The following SORCS3 variants were observed in gnomAD, a reference collection of about 807,000 sequenced individuals.
SORCS3 encodes the protein sortilin related VPS10 domain containing receptor 3.
A neutral mutation model predicts 146.3 loss-of-function variants in SORCS3; 57 were observed. The ratio of observed to expected loss-of-function variants is 0.39; its 90% CI spans 0.31 to 0.49. The LOEUF is 0.49. Ranked by LOEUF, SORCS3 falls within the 20% of genes least tolerant of loss-of-function variation. SORCS3 has a pLI of 0.92. For missense variants in SORCS3, 1,341 were observed against 1,575.5 expected, an observed-to-expected ratio of 0.85 and a Z score of 2.52; for synonymous variants, 653 against 618.5, an observed-to-expected ratio of 1.06 and a Z score of -0.83.
At chr10:105,072,183 G>A (rs1232435527) in intron 5 of SORCS3, among the ~76,000 whole-genome samples, 1 of 152,146 alleles carries the variant, frequency 6.6e-6, no homozygotes, top group African/African-American at 2.4e-5. Context: ...TGAGCTCTCG[G>A]ACTTTATATA....
intron 14 of SORCS3, among the ~76,000 whole-genome samples, chr10:105,182,365 T>C (rs2056448559): frequency 6.6e-6 from 1 of 151,020 alleles, no homozygotes; most frequent in Non-Finnish European, 1.5e-5. Context: ...ACACTGAGGC[T>C]CAGCTCACAT....
chr10:105,153,313 A>C (rs1346946057), intron 9 of SORCS3, among the ~76,000 whole-genome samples: 2 of 152,186 alleles, frequency 1.3e-5, no homozygotes, highest in Non-Finnish European at 2.9e-5. Context: ...TCTGAGCAGC[A>C]TTCTGTTGTG....
intron 1 of SORCS3, among the ~76,000 whole-genome samples, chr10:104,656,177 G>A (rs1032769106): frequency 2.0e-5 from 3 of 152,242 alleles, no homozygotes; most frequent in Non-Finnish European, 4.4e-5. Flanking sequence ...GGGTGGATTA[G>A]GTGCAGAGGT....
intron 1 of SORCS3, among the ~76,000 whole-genome samples, chr10:104,787,628 G>A (rs2017453627): frequency 6.6e-6 from 1 of 152,076 alleles, no homozygotes; most frequent in South Asian, 2.1e-4. Context: ...TTTTTTTCCA[G>A]AAAGAATTTT....
At chr10:105,117,455 C>T (rs775091785) in intron 7 of SORCS3, among the ~76,000 whole-genome samples, 1 of 152,080 alleles carries the variant, frequency 6.6e-6, no homozygotes, top group Admixed American at 6.6e-5. Flanking sequence ...AAATGAGATT[C>T]CTCAATCTAA....
At chr10:105,053,764 T>C (rs1278756422) in intron 5 of SORCS3, among the ~76,000 whole-genome samples, 1 of 152,068 alleles carries the variant, frequency 6.6e-6, no homozygotes, top group Non-Finnish European at 1.5e-5. Flanking sequence ...ATATAATAAA[T>C]GTAATCATTC....
chr10:104,811,114 A>T (rs1453509057), intron 1 of SORCS3, among the ~76,000 whole-genome samples: 2 of 152,252 alleles, frequency 1.3e-5, no homozygotes, highest in African/African-American at 4.8e-5. Flanking sequence ...ACAACATATT[A>T]AAAGTACCAT....
intron 4 of SORCS3, among the ~76,000 whole-genome samples, chr10:105,004,121 G>T (rs1373609563): frequency 1.3e-5 from 2 of 151,808 alleles, no homozygotes; most frequent in Non-Finnish European, 2.9e-5. Context: ...ACTGTGGGTG[G>T]CTATAAAATC....
chr10:104,791,227 G>A (rs1478187380), intron 1 of SORCS3, among the ~76,000 whole-genome samples: 3 of 152,204 alleles, frequency 2.0e-5, no homozygotes, highest in Admixed American at 2.0e-4. Flanking sequence ...GGAATGGGAG[G>A]CTAGATCTTG....
At chr10:104,931,269 T>G (rs1354854719) in intron 3 of SORCS3, among the ~76,000 whole-genome samples, 1 of 152,186 alleles carries the variant, frequency 6.6e-6, no homozygotes, top group Admixed American at 6.5e-5. Flanking sequence ...ATCTTCCTGT[T>G]AGATTACACA....
At chr10:105,158,333 T>G (rs558628051) in intron 10 of SORCS3, among the ~76,000 whole-genome samples, 17 of 152,316 alleles carry the variant, frequency 1.1e-4, no homozygotes, top group Middle Eastern at 3.4e-3. Context: ...AATGAATAAA[T>G]AGAGAACACA....
At chr10:104,824,283 TGAAG>T (rs1475254517) in intron 1 of SORCS3, among the ~76,000 whole-genome samples, 1 of 152,246 alleles carries the variant, frequency 6.6e-6, no homozygotes, top group Middle Eastern at 3.2e-3. Flanking sequence ...TCTATGTATG[TGAAG>T]CTCTAGCCTC....
At chr10:104,886,592 ATCT>A (rs2018690795) in intron 2 of SORCS3, among the ~76,000 whole-genome samples, 1 of 151,830 alleles carries the variant, frequency 6.6e-6, no homozygotes, top group Admixed American at 6.6e-5. Context: ...CTATCTATCT[ATCT>A]ATCTATCTAT....
chr10:105,131,827 C>T (rs1219437365), intron 7 of SORCS3, among the ~76,000 whole-genome samples: 6 of 151,988 alleles, frequency 3.9e-5, no homozygotes, highest in African/African-American at 1.2e-4. Context: ...CCAGATATCA[C>T]GAGAACTCAC....
intron 1 of SORCS3, among the ~76,000 whole-genome samples, chr10:104,650,416 G>A (rs1280404782): frequency 6.6e-6 from 1 of 152,176 alleles, no homozygotes; most frequent in East Asian, 1.9e-4. Context: ...ATCCATAGAT[G>A]AATAATCATT....
chr10:104,957,835 G>T (rs189664855), intron 3 of SORCS3, among the ~76,000 whole-genome samples: 79 of 152,218 alleles, frequency 5.2e-4, no homozygotes, highest in African/African-American at 1.8e-3. Flanking sequence ...TGGCAAAATT[G>T]CTACCTTGGT....
intron 1 of SORCS3, among the ~76,000 whole-genome samples, chr10:104,758,244 G>T (rs566458122): frequency 6.6e-6 from 1 of 152,258 alleles, no homozygotes; most frequent in African/African-American, 2.4e-5. Flanking sequence ...CTTTGTTGCG[G>T]TGGGTATGAT....
chr10:104,907,127 C>CTGTGTG (rs139418206), intron 2 of SORCS3, among the ~76,000 whole-genome samples: 16,810 of 147,854 alleles, frequency 0.11, 1,081 homozygotes, highest in Non-Finnish European at 0.14. Flanking sequence ...CTGTATAGTA[C>CTGTGTG]TGTGTGTGTG....
chr10:104,765,196 T>C (rs1255534390), intron 1 of SORCS3, among the ~76,000 whole-genome samples: 2 of 152,338 alleles, frequency 1.3e-5, no homozygotes, highest in Admixed American at 6.5e-5. Flanking sequence ...ACTTCCTCTG[T>C]CCCCTGTAAT....
Sources: gnomAD v4.1 joint callset for allele counts (sites outside exome capture counted in the v4.1 genomes callset) on GRCh38, gnomAD v4.1.1 for gene constraint, MANE v1.5 for transcripts, NCBI Gene and HGNC (gene_info 2026-07-23, HGNC 2026-07-21) for gene names.